ELMO1: variants seen among roughly 807,000 people sequenced by gnomAD.
The protein encoded by ELMO1 is engulfment and cell motility protein 1.
In ELMO1, 26 loss-of-function variants were observed where a neutral mutation model predicts 98.9. The observed-to-expected ratio is 0.26, with a 90% CI of 0.19 to 0.36. The LOEUF (loss-of-function observed/expected upper bound fraction) is 0.36, where lower values mean the gene tolerates loss of function less well. ELMO1 is among the 10% of genes least tolerant of loss of function. ELMO1 has a pLI of 1.00. For synonymous variants in ELMO1, 346 were observed against 346.0 expected (o/e 1.00, Z 0.00); for missense variants, 627 against 935.2 (o/e 0.67, Z 4.30).
At chr7:37,291,260 T>C (rs1797666680) in intron 4 of ELMO1, among the ~76,000 whole-genome samples, 1 of 152,204 alleles carries the variant, frequency 6.6e-6, no homozygotes, top group African/African-American at 2.4e-5. Flanking sequence ...TTTCTAACTT[T>C]TGAAATAAAA....
chr7:36,984,472 C>T (rs1213939034), intron 16 of ELMO1, among the ~76,000 whole-genome samples: 1 of 152,224 alleles, frequency 6.6e-6, no homozygotes, highest in Non-Finnish European at 1.5e-5. Flanking sequence ...GTCGCCCTCA[C>T]CCTGCCTTGA....
In ELMO1 at chr7:37,194,758, T is replaced by TC. The variant is rs554134218; in HGVS notation, c.1086+16627dup. 5.7e-3 allele frequency among the ~76,000 whole-genome samples: 867 copies of TC among 152,328 alleles called. 5 individuals carry two copies. The highest frequency in any genetic ancestry group is 0.02 in the African/African-American group (831 of 41,578). ...TTTAAGGTTCATCTTCAGCGTCCTC[T>TC]CCACTGTAAAATCTCATGGAGTCCT... On this transcript the variant is annotated intron_variant, in intron 13 of 21. Coordinates refer to ENST00000310758, the MANE Select transcript of ELMO1 (RefSeq NM_014800.11).
In ELMO1 at chr7:37,192,970, GATATATAT is replaced by G. The variant is rs374892700; in HGVS notation, c.1086+18408_1086+18415del. Among the ~76,000 whole-genome samples, 156 of 40,062 alleles carry G rather than the reference GATATATAT, an allele frequency of 3.9e-3. 2 individuals carry two copies. The highest frequency in any genetic ancestry group is 0.015 in the Middle Eastern group (1 of 68). 26.3% of individuals were successfully genotyped at this position (40,062 alleles called of 152,430 possible). On this transcript the variant is annotated intron_variant, in intron 13 of 21. Coordinates refer to ENST00000310758, the MANE Select transcript of ELMO1 (RefSeq NM_014800.11). ...ATATATATTTTTTATATATATAGGAGATATATATATATATATATATATATATATATATA... is the reference window on the plus strand; with the variant it reads ...ATATATATTTTTTATATATATAGGAGATATATATATATATATATATATATA...
chr7:37,014,645 GC>G lies in ELMO1; in HGVS notation c.1301-1211del, dbSNP rs370471739. 3.8e-4 allele frequency among the ~76,000 whole-genome samples: 57 copies of G among 151,768 alleles called. No individual in the cohort carries two copies. In the South Asian group the frequency reaches 0.011, roughly 30 times the overall value. The stretch of plus-strand genomic sequence containing the variant: ...CCCCAGTCCCCCCACTCCCCAACTG[GC>G]CCCGGTGTGTGTTGTTCCCCTCCCT... On this transcript the variant is annotated intron_variant, in intron 15 of 21. Transcript: ENST00000310758.
chr7:37,100,054 C>T (rs1394547450), intron 14 of ELMO1, among the ~76,000 whole-genome samples: 1 of 152,040 alleles, frequency 6.6e-6, no homozygotes, highest in Non-Finnish European at 1.5e-5. Context: ...AGCTGGGTCT[C>T]GAACTCCAGA....
At chr7:37,201,295 G>A (rs1792280738) in intron 13 of ELMO1, among the ~76,000 whole-genome samples, 1 of 152,144 alleles carries the variant, frequency 6.6e-6, no homozygotes, top group African/African-American at 2.4e-5. Context: ...TTAATAATGG[G>A]ACAGTACTTT....
chr7:37,284,898 C>A (rs1398900673), intron 4 of ELMO1, among the ~76,000 whole-genome samples: 1 of 152,174 alleles, frequency 6.6e-6, no homozygotes, highest in East Asian at 1.9e-4. Context: ...GACACTTCAC[C>A]AATAGAGGGC....
intron 19 of ELMO1, among the ~76,000 whole-genome samples, chr7:36,871,874 T>C (rs1463382174): frequency 6.6e-6 from 1 of 152,206 alleles, no homozygotes; most frequent in Non-Finnish European, 1.5e-5. Context: ...CTAAAATTAC[T>C]AACAACTTTG....
At chr7:37,018,734 C>T (rs755972869) in intron 15 of ELMO1, among the ~76,000 whole-genome samples, 8 of 152,192 alleles carry the variant, frequency 5.3e-5, no homozygotes, top group South Asian at 2.1e-4. Flanking sequence ...GCCTTGATCT[C>T]GCAAAGTGCT....
intron 16 of ELMO1, among the ~76,000 whole-genome samples, chr7:36,973,452 A>C (rs1203337202): frequency 2.0e-5 from 3 of 152,246 alleles, no homozygotes; most frequent in African/African-American, 7.2e-5. Context: ...GAGGGCTGAG[A>C]TGCCCACATA....
chr7:37,425,818 T>C (rs1804673046), intron 1 of ELMO1, among the ~76,000 whole-genome samples: 1 of 152,248 alleles, frequency 6.6e-6, no homozygotes. Flanking sequence ...TACTTGAGTC[T>C]TCTCCAACTG....
At chr7:37,149,442 T>C (rs1788215961) in intron 13 of ELMO1, among the ~76,000 whole-genome samples, 1 of 152,178 alleles carries the variant, frequency 6.6e-6, no homozygotes, top group Non-Finnish European at 1.5e-5. Context: ...TTTTGTACAG[T>C]TGAGAGTCTA....
chr7:36,901,526 C>T (rs1204420281), intron 16 of ELMO1, among the ~76,000 whole-genome samples: 1 of 152,148 alleles, frequency 6.6e-6, no homozygotes, highest in Non-Finnish European at 1.5e-5. Context: ...ATTTACAAAA[C>T]ACAGGTGGTG....
chr7:37,332,389 C>T (rs988414616), intron 2 of ELMO1, among the ~76,000 whole-genome samples: 4 of 152,198 alleles, frequency 2.6e-5, no homozygotes, highest in South Asian at 4.1e-4. Context: ...CCTATGCTGG[C>T]GCTGGGGACA....
chr7:37,132,227 G>C (rs951251578), intron 14 of ELMO1, among the ~76,000 whole-genome samples: 2 of 152,128 alleles, frequency 1.3e-5, no homozygotes, highest in African/African-American at 4.8e-5. Context: ...GAATCCAACA[G>C]AGAATATGAG....
chr7:37,065,847 G>A (rs1018604918), intron 15 of ELMO1, among the ~76,000 whole-genome samples: 1 of 152,170 alleles, frequency 6.6e-6, no homozygotes, highest in Admixed American at 6.5e-5. Context: ...GAAAAGTTAT[G>A]TCTGTGACTC....
intron 13 of ELMO1, among the ~76,000 whole-genome samples, chr7:37,178,312 G>T (rs959835543): frequency 6.6e-6 from 1 of 151,864 alleles, no homozygotes; most frequent in African/African-American, 2.4e-5. Context: ...ATCAGATCTT[G>T]TAAGACTTAT....
intron 15 of ELMO1, among the ~76,000 whole-genome samples, chr7:37,049,944 AT>A (rs1438498146): frequency 1.3e-5 from 2 of 150,630 alleles, no homozygotes; most frequent in African/African-American, 4.9e-5. Context: ...TGCCTGGCTA[AT>A]TTTTTTGTAT....
chr7:37,105,291 G>C (rs758438335), intron 14 of ELMO1, among the ~76,000 whole-genome samples: 6 of 152,166 alleles, frequency 3.9e-5, no homozygotes, highest in Admixed American at 3.9e-4. Flanking sequence ...ACATTACTGA[G>C]GGAAGCCAAG....
Sources: allele counts gnomAD v4.1 joint callset (sites outside exome capture counted in the v4.1 genomes callset), GRCh38; gene constraint gnomAD v4.1.1; transcripts MANE v1.5; gene names NCBI Gene and HGNC (gene_info 2026-07-23, HGNC 2026-07-21).